CIB1: variants seen among roughly 807,000 people sequenced by gnomAD.
CIB1 encodes calcium and integrin-binding protein 1.
CIB1 carries 19 observed loss-of-function variants against 25.0 expected under a neutral mutation model. The ratio of observed to expected loss-of-function variants is 0.76; its 90% CI spans 0.53 to 1.12. The LOEUF (loss-of-function observed/expected upper bound fraction) is 1.12. Ranked by LOEUF, CIB1 falls within the 50% of genes most tolerant of loss-of-function variation. The pLI, the probability that CIB1 is intolerant of heterozygous loss-of-function variation, is 0.00. For synonymous variants in CIB1, 104 were observed against 98.5 expected, an observed-to-expected ratio of 1.06 and a Z score of -0.33; for missense variants, 236 against 242.6, an observed-to-expected ratio of 0.97 and a Z score of 0.18.
the CIB1 span, among the ~76,000 whole-genome samples, chr15:90,264,281 C>A: frequency 1.3e-5 from 2 of 152,146 alleles, no homozygotes; most frequent in Non-Finnish European, 2.9e-5. Flanking sequence ...AAACTCCACT[C>A]ACGGGCTCAA....
At chr15:90,252,552 C>T in the CIB1 span, among the ~76,000 whole-genome samples, 3 of 152,052 alleles carry the variant, frequency 2.0e-5, no homozygotes, top group Admixed American at 6.6e-5. Flanking sequence ...GGGACTTCAA[C>T]GATTAAGAAA....
the CIB1 span, chr15:90,265,524 C>A: frequency 7.9e-6 from 11 of 1,397,896 alleles, no homozygotes; most frequent in Non-Finnish European, 9.3e-6. Flanking sequence ...TCAGGGAAGC[C>A]CTCTCCACAG....
intron 4 of CIB1, 28 bp downstream of exon 4, chr15:90,231,329 G>A (rs761868095): frequency 1.2e-6 from 2 of 1,611,458 alleles, no homozygotes; most frequent in South Asian, 1.1e-5. Context: ...AAGGGGTGGT[G>A]TCCTGCCGGG....
chr15:90,262,436 C>G, the CIB1 span: 2 of 1,429,102 alleles, frequency 1.4e-6, no homozygotes, highest in African/African-American at 2.9e-5. Context: ...TTTTTCCTCA[C>G]CCCTCTTCTC....
the CIB1 span, chr15:90,244,389 T>G: frequency 6.6e-6 from 1 of 152,196 alleles, no homozygotes; most frequent in Non-Finnish European, 1.5e-5. Context: ...TTTATCTCAT[T>G]GCTTTGTTCT....
the CIB1 span, chr15:90,257,243 G>C: frequency 6.2e-7 from 1 of 1,614,068 alleles, no homozygotes; most frequent in South Asian, 1.1e-5. Context: ...AGCCCGTTTT[G>C]CCACCACGCC....
intron 3 of CIB1, 40 bp downstream of exon 3, chr15:90,232,179 G>A (rs774347048): frequency 1.1e-5 from 16 of 1,492,388 alleles, no homozygotes; most frequent in Non-Finnish European, 1.5e-5. Flanking sequence ...AGCAGGGAGG[G>A]AGTGGTGGGA....
chr15:90,235,858 G>A (rs758328317), upstream of CIB1, among the ~76,000 whole-genome samples: 3 of 151,976 alleles, frequency 2.0e-5, no homozygotes, highest in African/African-American at 7.3e-5. Context: ...GTGACCCACC[G>A]TGCCCGGCCG....
chr15:90,250,676 G>C, the CIB1 span: 1 of 1,614,160 alleles, frequency 6.2e-7, no homozygotes, highest in Non-Finnish European at 8.5e-7. Context: ...GGAAGACTAT[G>C]TTGAGGAAAA....
At chr15:90,263,705 T>C in the CIB1 span, 1 of 634,266 alleles carries the variant, frequency 1.6e-6, no homozygotes, top group East Asian at 2.7e-5. Context: ...CAAACTTACA[T>C]AAAAATGTGG....
At chr15:90,259,774 A>G in the CIB1 span, among the ~76,000 whole-genome samples, 4 of 152,366 alleles carry the variant, frequency 2.6e-5, no homozygotes, top group African/African-American at 7.2e-5. Context: ...TAGTCATTCA[A>G]TAATAGAGAA....
At chr15:90,234,172 G>T (rs1390977579), upstream of CIB1, 2 of 174,374 alleles carry the variant, frequency 1.1e-5, no homozygotes, top group South Asian at 6.5e-4. Context: ...GGTGGGAGGG[G>T]GGGGCGGGCC....
the CIB1 span, among the ~76,000 whole-genome samples, chr15:90,260,268 T>G: frequency 6.6e-6 from 1 of 152,058 alleles, no homozygotes; most frequent in Non-Finnish European, 1.5e-5. Context: ...GAGGCTGAGG[T>G]GGGTGGATCC....
At chr15:90,253,157 G>A in the CIB1 span, 7 of 921,752 alleles carry the variant, frequency 7.6e-6, no homozygotes, top group African/African-American at 1.1e-4. Flanking sequence ...CTGCCCTCGG[G>A]TCAGGTGTAT....
chr15:90,255,884 G>C, the CIB1 span: 2 of 1,614,210 alleles, frequency 1.2e-6, no homozygotes, highest in South Asian at 1.1e-5. Context: ...CCTCCCCGCA[G>C]AGTGAGTGGG....
At chr15:90,239,518 A>G in the CIB1 span, among the ~76,000 whole-genome samples, 1 of 152,212 alleles carries the variant, frequency 6.6e-6, no homozygotes, top group African/African-American at 2.4e-5. Context: ...GGAGATGTGC[A>G]GAGCAAAGAG....
At chr15:90,258,837 G>A in the CIB1 span, 12 of 1,614,030 alleles carry the variant, frequency 7.4e-6, no homozygotes, top group Admixed American at 3.3e-5. Flanking sequence ...GTCAACCTCC[G>A]GGGCTGTGAC....
chr15:90,242,119 C>T, the CIB1 span: 6 of 1,427,366 alleles, frequency 4.2e-6, no homozygotes, highest in Non-Finnish European at 5.7e-6. Flanking sequence ...GATAGGGTCT[C>T]ACTCTGTCCC....
the CIB1 span, chr15:90,250,580 G>A: frequency 6.4e-7 from 1 of 1,569,936 alleles, no homozygotes; most frequent in Non-Finnish European, 8.6e-7. Context: ...GGAGGTCTGA[G>A]GTCTGATATA....
Sources: allele counts gnomAD v4.1 joint callset (sites outside exome capture counted in the v4.1 genomes callset), GRCh38; gene constraint gnomAD v4.1.1; transcripts MANE v1.5; gene names NCBI Gene and HGNC (gene_info 2026-07-23, HGNC 2026-07-21).